Variants in KRTAP24-1 observed in about 807,000 individuals in gnomAD.
KRTAP24-1 encodes keratin-associated protein 24-1.
For missense variants in KRTAP24-1, 344 were observed against 303.2 expected, an observed-to-expected ratio of 1.13 and a Z score of -1.00; for synonymous variants, 133 against 116.3, an observed-to-expected ratio of 1.14 and a Z score of -0.92.
Position 30,282,665 on chromosome 21 carries a change from T to G in KRTAP24-1, c.268A>C (p.Asn90His), listed in dbSNP as rs770031321. 6.2e-7 allele frequency: 1 copy of G among 1,604,422 alleles called. No homozygotes were observed. The highest frequency in any genetic ancestry group is 1.1e-5 in the South Asian group (1 of 88,888). The change falls in exon 1 of 1, where the codon AAC becomes CAC. Residue 90 changes from asparagine (N) to histidine (H), a missense_variant. Physicochemically the swap from Asn to His is moderately conservative, Grantham distance 68. Transcript: ENST00000340345. ...GGGGAGTTGCAGGGCACAGAGGAGT[T>G]TGACGGGTCACAACCAGTGGTACTG... is the stretch of plus-strand genomic sequence containing the variant. ...TCSTTGCDPS[N>H]SSVPCNSPSA...
Position 30,282,549 on chromosome 21 carries a change from T to C in KRTAP24-1, c.384A>G (p.Val128=), listed in dbSNP as rs1980743132. 6.2e-7 allele frequency: 1 copy of C among 1,606,774 alleles called. No homozygotes were observed. Residue 128 remains valine, a synonymous_variant, in exon 1 of 1, where the codon GTA becomes GTG. Transcript: ENST00000340345. ...CSPSTQTNGY[V]CNCHIPTRNA... ...TTCGAGTGGGTATGTGGCAATTGCA[T>C]ACATACCCATTGGTCTGGGTGCTTG...
chr21:30,282,916 A>G lies in KRTAP24-1; in HGVS notation c.17T>C (p.Met6Thr), dbSNP rs1980764491. The stretch of plus-strand genomic sequence containing the variant: ...GACCCCAGGATAGCCTGTAGTAGAC[A>G]TGGAGCCTGCAGGCATGCTCAGTGG... MPAGS[M>T]STTGYPGVCS... Residue 6 changes from methionine (M) to threonine (T), a missense_variant, in exon 1 of 1, where the codon ATG (methionine) becomes ACG (threonine). Met to Thr is a moderately conservative substitution (Grantham distance 81). Transcript: ENST00000340345. 6.2e-7 allele frequency: 1 copy of G among 1,611,222 alleles called. No homozygotes were observed. The highest frequency in any genetic ancestry group is 8.5e-7 in the Non-Finnish European group (1 of 1,178,486).
chr21:30,282,015 C>A lies in KRTAP24-1; in HGVS notation c.*153G>T. 1 of 740,692 alleles carries A rather than the reference C, an allele frequency of 1.4e-6. No homozygotes were observed. Among genetic ancestry groups the A allele is most frequent in the Non-Finnish European group, 2.2e-6 (1 of 461,322 alleles). 45.9% of individuals were successfully genotyped at this position (740,692 alleles called of 1,614,324 possible). A position where few individuals can be genotyped will look rare whatever the true frequency, so the allele number is the denominator to read the frequency against. On this transcript the variant is annotated 3_prime_UTR_variant, in exon 1 of 1. Transcript: ENST00000340345. ...AAGAAAACCTAGCAGGTGATACTGG[C>A]TGTGGTTAATAAACCTGGGAGTTGT...
At position 30,282,651 on chromosome 21, in the gene KRTAP24-1, G is replaced by A. The variant is rs1980749012; in HGVS notation, c.282C>T (p.Pro94=). 6.3e-7 allele frequency: 1 copy of A among 1,596,006 alleles called. No homozygotes were observed. The highest frequency in any genetic ancestry group is 1.7e-5 in the Admixed American group (1 of 58,786). The change falls in exon 1 of 1, where the codon CCC becomes CCT. Residue 94 remains proline (P), a synonymous_variant. Coordinates refer to ENST00000340345, the MANE Select transcript of KRTAP24-1 (RefSeq NM_001085455.3). ...CTTGGCCTGCTGATGGGGAGTTGCAGGGCACAGAGGAGTTTGACGGGTCAC... is the reference window on the plus strand; with the variant it reads ...CTTGGCCTGCTGATGGGGAGTTGCAAGGCACAGAGGAGTTTGACGGGTCAC... The part of the protein sequence containing the change: ...TGCDPSNSSV[P]CNSPSAGQVF...
rs1366003100 is a variant in KRTAP24-1 at position 30,282,176 on chromosome 21, A to G, written c.757T>C (p.Cys253Arg). The G allele has an allele frequency of 6.2e-7, 1 of 1,607,284 alleles. No individual in the cohort carries two copies. The highest frequency in any genetic ancestry group is 1.3e-5 in the African/African-American group (1 of 74,784). Residue 253 changes from cysteine to arginine, a missense_variant, in exon 1 of 1, where the codon TGC becomes CGC. Transcript: ENST00000340345. The part of the protein sequence containing the change: ...YLCSGSRPLK[C>R]Y ...TAAATTCTGGAAGTTGGTCAATAGC[A>G]TTTCAGAGGTCTGCTACCACTGCAC... is the stretch of plus-strand genomic sequence containing the variant.
In KRTAP24-1 at chr21:30,282,230, G is replaced by T. The variant is rs375871491; in HGVS notation, c.703C>A (p.Pro235Thr). 5.3e-5 allele frequency: 85 copies of T among 1,614,086 alleles called. No homozygotes were observed. In the African/African-American group the frequency reaches 1.1e-3, roughly 21 times the overall value. ...SRSFRSLSYI[P>T]STFPPLRYLC... ...TACCTCAGAGGTGGAAAGGTACTGG[G>T]TATATAGCTCAGAGATCTGAAGCTT... Residue 235 changes from proline to threonine, a missense_variant, in exon 1 of 1, where the codon CCC becomes ACC. Transcript: ENST00000340345.
chr21:30,282,202 A>G lies in KRTAP24-1; in HGVS notation c.731T>C (p.Leu244Ser), dbSNP rs1244612360. 5.0e-6 allele frequency: 8 copies of G among 1,613,694 alleles called. No individual in the cohort carries two copies. Among genetic ancestry groups the G allele is most frequent in the Non-Finnish European group, 6.8e-6 (8 of 1,179,956 alleles). ...TTTCAGAGGTCTGCTACCACTGCAC[A>G]AATACCTCAGAGGTGGAAAGGTACT... The part of the protein sequence containing the change: ...IPSTFPPLRY[L>S]CSGSRPLKCY The change falls in exon 1 of 1, where the codon TTG (leucine) becomes TCG (serine). Residue 244 changes from leucine (L) to serine (S), a missense_variant. Physicochemically the swap from Leu to Ser is moderately radical, Grantham distance 145. Coordinates refer to ENST00000340345, the MANE Select transcript of KRTAP24-1 (RefSeq NM_001085455.3).
At position 30,282,496 on chromosome 21, in the gene KRTAP24-1, C is replaced by A. The variant is rs771391061; in HGVS notation, c.437G>T (p.Arg146Leu). 1 of 1,613,912 alleles carries A rather than the reference C, an allele frequency of 6.2e-7. No individual in the cohort carries two copies. Among genetic ancestry groups the A allele is most frequent in the Non-Finnish European group, 8.5e-7 (1 of 1,179,930 alleles). Residue 146 changes from arginine to leucine, a missense_variant, in exon 1 of 1, where the codon CGC (arginine) becomes CTC (leucine). Arg to Leu is a moderately radical substitution (Grantham distance 102, BLOSUM62 -2). Coordinates refer to ENST00000340345, the MANE Select transcript of KRTAP24-1 (RefSeq NM_001085455.3). ...RNASKACQTLRNGSNCFGQLN... is the reference protein window; with the variant it reads ...RNASKACQTLLNGSNCFGQLN... ...TTGTCCAAAGCAGTTGGAACCGTTG[C>A]GGAGGGTTTGGCAGGCTTTGGATGC...
rs1980714189 is a variant in KRTAP24-1, at chr21:30,281,920, T to C, written c.*248A>G. On this transcript the variant is annotated 3_prime_UTR_variant, in exon 1 of 1. Coordinates refer to ENST00000340345, the MANE Select transcript of KRTAP24-1 (RefSeq NM_001085455.3). ...TCTTCGGTAAGTCCATTGTAATAAA[T>C]CTCAGAAATAATGATGTTACCTTCA... is the stretch of plus-strand genomic sequence containing the variant. 1 of 450,628 alleles carries C rather than the reference T, an allele frequency of 2.2e-6. No homozygotes were observed. The highest frequency in any genetic ancestry group is 3.9e-6 in the Non-Finnish European group (1 of 256,178). 27.9% of individuals were successfully genotyped at this position (450,628 alleles called of 1,614,324 possible).
rs370788106 is a variant in KRTAP24-1, at chr21:30,282,944, G to A, written c.-12C>T. 3.5e-4 allele frequency: 551 copies of A among 1,595,212 alleles called. 1 individual carries two copies. Among genetic ancestry groups the A allele is most frequent in the Non-Finnish European group, 4.4e-4 (519 of 1,170,270 alleles). On this transcript the variant is annotated 5_prime_UTR_variant, in exon 1 of 1. Coordinates refer to ENST00000340345, the MANE Select transcript of KRTAP24-1 (RefSeq NM_001085455.3). Reference sequence around the variant, plus strand: ...GAGCCTGCAGGCATGCTCAGTGGTCGCTGTGCAGTGTGTCTGTGGCCTAAG... The same window carrying A: ...GAGCCTGCAGGCATGCTCAGTGGTCACTGTGCAGTGTGTCTGTGGCCTAAG...
rs1980750418 is a variant in KRTAP24-1 at position 30,282,668 on chromosome 21, A to G, written c.265T>C (p.Ser89Pro). Residue 89 changes from serine to proline, a missense_variant, in exon 1 of 1, where the codon TCA becomes CCA. By Grantham distance (74) the Ser-to-Pro change is moderately conservative. Coordinates refer to ENST00000340345, the MANE Select transcript of KRTAP24-1 (RefSeq NM_001085455.3). Reference sequence around the variant, plus strand: ...GAGTTGCAGGGCACAGAGGAGTTTGACGGGTCACAACCAGTGGTACTGCAG... The same window carrying G: ...GAGTTGCAGGGCACAGAGGAGTTTGGCGGGTCACAACCAGTGGTACTGCAG... ...KTCSTTGCDP[S>P]NSSVPCNSPS... is the part of the protein sequence containing the mutation. 2 of 1,605,138 alleles carry G rather than the reference A, an allele frequency of 1.2e-6. No individual in the cohort carries two copies. Among genetic ancestry groups the G allele is most frequent in the Non-Finnish European group, 1.7e-6 (2 of 1,175,612 alleles).
In KRTAP24-1 at chr21:30,282,743, A is replaced by T. The variant is rs1980754336; in HGVS notation, c.190T>A (p.Ser64Thr). ...TTGCAGGTTGGTGCTTCACCGTAGG[A>T]TTCTTGGCAGTAATCCAGGAGCCAG... ...NLWLLDYCQE[S>T]YGEAPTCKSP... The change falls in exon 1 of 1, where the codon TCC becomes ACC. Residue 64 changes from serine to threonine, a missense_variant. Transcript: ENST00000340345. 1 of 1,614,052 alleles carries T rather than the reference A, an allele frequency of 6.2e-7. No homozygotes were observed. Among genetic ancestry groups the T allele is most frequent in the Admixed American group, 1.7e-5 (1 of 59,996 alleles).
In KRTAP24-1 at chr21:30,282,129, A is replaced by G. The variant is rs757640374; in HGVS notation, c.*39T>C. 3 of 1,573,274 alleles carry G rather than the reference A, an allele frequency of 1.9e-6. No homozygotes were observed. The Admixed American group carries it at 5.4e-5, about 28-fold the overall frequency. On this transcript the variant is annotated 3_prime_UTR_variant, in exon 1 of 1. Coordinates refer to ENST00000340345, the MANE Select transcript of KRTAP24-1 (RefSeq NM_001085455.3). ...TCTAGTACTTAGTAGAATCTTCCCC[A>G]TTGGGCAATTTCCAGCTGCTATAAA...
At position 30,282,660 on chromosome 21, in the gene KRTAP24-1, G is replaced by A. The variant is rs1372265883; in HGVS notation, c.273C>T (p.Ser91=). The part of the protein sequence containing the change: ...CSTTGCDPSN[S]SVPCNSPSAG... Reference sequence around the variant, plus strand: ...CTGATGGGGAGTTGCAGGGCACAGAGGAGTTTGACGGGTCACAACCAGTGG... The same window carrying A: ...CTGATGGGGAGTTGCAGGGCACAGAAGAGTTTGACGGGTCACAACCAGTGG... The change falls in exon 1 of 1, where the codon TCC becomes TCT. Residue 91 remains serine, a synonymous_variant. Coordinates refer to ENST00000340345, the MANE Select transcript of KRTAP24-1 (RefSeq NM_001085455.3). 1 of 1,602,872 alleles carries A rather than the reference G, an allele frequency of 6.2e-7. No homozygotes were observed. The highest frequency in any genetic ancestry group is 8.5e-7 in the Non-Finnish European group (1 of 1,174,504).
rs1369138467 is a variant in KRTAP24-1 at position 30,282,075 on chromosome 21, A to G, written c.*93T>C. On this transcript the variant is annotated 3_prime_UTR_variant, in exon 1 of 1. Transcript: ENST00000340345. ...TAATGTAACAAGATTCTTAGGCTGA[A>G]TAAAGAGATTCAGCAGAAAATTAGA... The G allele has an allele frequency of 8.0e-7, 1 of 1,255,824 alleles. No individual in the cohort carries two copies. Among genetic ancestry groups the G allele is most frequent in the African/African-American group, 1.5e-5 (1 of 66,526 alleles). The allele number at this position is 1,255,824 out of a possible 1,614,324, so 77.8% of individuals were successfully genotyped here.
At position 30,282,353 on chromosome 21, in the gene KRTAP24-1, T is replaced by C; in HGVS notation, c.580A>G (p.Ile194Val). The change falls in exon 1 of 1, where the codon ATT (isoleucine) becomes GTT (valine). Residue 194 changes from isoleucine (I) to valine (V), a missense_variant. Ile to Val is a conservative substitution (Grantham distance 29). Transcript: ENST00000340345. ...CTTTGGGGTTGGCAGCTGTTGGAAA[T>C]ATAACATAATGGTGAGACGTAGCTG... The part of the protein sequence containing the change: ...IPSYVSPLCY[I>V]SNSCQPQSYL... 6.2e-7 allele frequency: 1 copy of C among 1,614,122 alleles called. No individual in the cohort carries two copies. The highest frequency in any genetic ancestry group is 1.7e-4 in the Middle Eastern group (1 of 6,060).
rs978434964 is a variant in KRTAP24-1, at chr21:30,282,741, G to T, written c.192C>A (p.Ser64=). The T allele has an allele frequency of 6.2e-7, 1 of 1,614,022 alleles. No individual in the cohort carries two copies. Among genetic ancestry groups the T allele is most frequent in the South Asian group, 1.1e-5 (1 of 91,068 alleles). Residue 64 remains serine (S), a synonymous_variant, in exon 1 of 1, where the codon TCC becomes TCA. Transcript: ENST00000340345. The part of the protein sequence containing the change: ...NLWLLDYCQE[S]YGEAPTCKSP... ...ATTTGCAGGTTGGTGCTTCACCGTA[G>T]GATTCTTGGCAGTAATCCAGGAGCC... is the stretch of plus-strand genomic sequence containing the variant.
rs1273397466 is a variant in KRTAP24-1 at position 30,282,372 on chromosome 21, G to A, written c.561C>T (p.Tyr187=). The part of the protein sequence containing the change: ...SYQNPCFIPS[Y]VSPLCYISNS... ...TGGAAATATAACATAATGGTGAGAC[G>A]TAGCTGGGTATGAAGCAAGGATTTT... Residue 187 remains tyrosine (Y), a synonymous_variant, in exon 1 of 1, where the codon TAC becomes TAT. Transcript: ENST00000340345. The A allele has an allele frequency of 8.1e-6, 13 of 1,613,970 alleles. No individual in the cohort carries two copies. Among genetic ancestry groups the A allele is most frequent in the African/African-American group, 2.7e-5 (2 of 74,914 alleles).
In KRTAP24-1 at chr21:30,282,606, A is replaced by T. The variant is rs1379167262; in HGVS notation, c.327T>A (p.Thr109=). The T allele has an allele frequency of 6.3e-7, 1 of 1,588,174 alleles. No individual in the cohort carries two copies. The highest frequency in any genetic ancestry group is 8.6e-7 in the Non-Finnish European group (1 of 1,167,428). The change falls in exon 1 of 1, where the codon ACT becomes ACA. Residue 109 remains threonine, a synonymous_variant. Coordinates refer to ENST00000340345, the MANE Select transcript of KRTAP24-1 (RefSeq NM_001085455.3). ...SAGQVFSVCE[T]TNVSPSPSCS... ...AGCTGGGGCTGGGGCTGACGTTGGT[A>T]GTTTCACAGACACTGAAGACTTGGC...
Sources: gnomAD v4.1 joint callset for allele counts on GRCh38, gnomAD v4.1.1 for gene constraint, MANE v1.5 for transcripts, NCBI Gene and HGNC (gene_info 2026-07-23, HGNC 2026-07-21) for gene names.